CCSER1: variants seen among roughly 807,000 people sequenced by gnomAD.
CCSER1 encodes the protein coiled-coil serine rich protein 1.
In CCSER1, 41 loss-of-function variants were observed where a neutral mutation model predicts 82.0. That is an observed-to-expected ratio of 0.50 (90% CI 0.39 to 0.65). The LOEUF (loss-of-function observed/expected upper bound fraction) is 0.65. CCSER1 is among the 30% of genes least tolerant of loss of function. The pLI is 0.00. For synonymous variants in CCSER1, 414 were observed against 383.9 expected (o/e 1.08, Z -0.92); for missense variants, 1,119 against 1,064.2 (o/e 1.05, Z -0.72).
rs533700831 is a variant in CCSER1 at position 91,274,901 on chromosome 4, C to T, written c.2217+188907C>T. ...CGGGCGGATCACGAGGTCAGGAGATCGAGACCATCCTGGCTAACACAGTGA... is the reference window on the plus strand; with the variant it reads ...CGGGCGGATCACGAGGTCAGGAGATTGAGACCATCCTGGCTAACACAGTGA... On this transcript the variant is annotated intron_variant, in intron 10 of 10. Transcript: ENST00000509176. Among the ~76,000 whole-genome samples the T allele has an allele frequency of 4.3e-4, 66 of 151,932 alleles. No homozygotes were observed. The South Asian group carries it at 0.013, about 30-fold the overall frequency.
intron 10 of CCSER1, among the ~76,000 whole-genome samples, chr4:91,571,012 A>T (rs958609026): frequency 1.3e-5 from 2 of 152,172 alleles, no homozygotes; most frequent in Admixed American, 1.3e-4. Context: ...TCTCTAGGGC[A>T]GGGGCAAAAT....
At chr4:90,413,928 G>A (rs908394133) in intron 4 of CCSER1, among the ~76,000 whole-genome samples, 2 of 108,996 alleles carry the variant, frequency 1.8e-5, no homozygotes, top group Non-Finnish European at 3.4e-5. Flanking sequence ...CAGCCTGGGT[G>A]ACAGAGCGAG....
At chr4:91,184,738 T>C (rs1333039661) in intron 10 of CCSER1, among the ~76,000 whole-genome samples, 4 of 152,212 alleles carry the variant, frequency 2.6e-5, no homozygotes, top group Non-Finnish European at 5.9e-5. Flanking sequence ...TGGCAGGAAC[T>C]TTGTTTTTCC....
At chr4:90,933,479 G>A (rs1057455349) in intron 9 of CCSER1, among the ~76,000 whole-genome samples, 1 of 151,570 alleles carries the variant, frequency 6.6e-6, no homozygotes, top group Non-Finnish European at 1.5e-5. Context: ...GAGCCACCGT[G>A]CCAGGATGAA....
intron 10 of CCSER1, among the ~76,000 whole-genome samples, chr4:91,465,046 A>T (rs1437907931): frequency 2.6e-5 from 4 of 152,198 alleles, no homozygotes; most frequent in Non-Finnish European, 5.9e-5. Context: ...AATCAACAGA[A>T]TATACATTTT....
At chr4:90,589,255 TTACTC>T (rs1782406631) in intron 5 of CCSER1, among the ~76,000 whole-genome samples, 1 of 152,114 alleles carries the variant, frequency 6.6e-6, no homozygotes, top group African/African-American at 2.4e-5. Flanking sequence ...AATGGTTTCT[TTACTC>T]TATTTTCTAT....
chr4:91,545,265 C>T (rs535916963), intron 10 of CCSER1, among the ~76,000 whole-genome samples: 2 of 152,198 alleles, frequency 1.3e-5, no homozygotes, highest in Admixed American at 6.5e-5. Flanking sequence ...TCCCTGACCC[C>T]TTGCACTTCC....
At chr4:90,894,592 C>T (rs1170352701) in intron 8 of CCSER1, among the ~76,000 whole-genome samples, 2 of 151,956 alleles carry the variant, frequency 1.3e-5, no homozygotes, top group East Asian at 3.9e-4. Context: ...TCTGCCTCCC[C>T]TTTTTTGTCT....
At chr4:91,296,401 C>T (rs1744164084) in intron 10 of CCSER1, among the ~76,000 whole-genome samples, 1 of 143,594 alleles carries the variant, frequency 7.0e-6, no homozygotes. Context: ...TGTATAAAAG[C>T]ATAGTAAAGT....
In CCSER1 at chr4:91,603,581, G is replaced by A. The variant is rs187120580; in HGVS notation, c.*4524G>A. 1.3e-5 allele frequency: 2 copies of A among 152,170 alleles called. No homozygotes were observed. Among genetic ancestry groups the A allele is most frequent in the Admixed American group, 6.6e-5 (1 of 15,264 alleles). The allele number at this position is 152,170 out of a possible 1,614,324, so 9.4% of individuals were successfully genotyped here. A position where few individuals can be genotyped will look rare whatever the true frequency, so the allele number is the denominator to read the frequency against. Reference sequence around the variant, plus strand: ...ATGGGATACCACGGTTCTTTTTAGAGCATTTTCAGTGTAGCCTCATTAACT... The same window carrying A: ...ATGGGATACCACGGTTCTTTTTAGAACATTTTCAGTGTAGCCTCATTAACT... On this transcript the variant is annotated 3_prime_UTR_variant, in exon 11 of 11. Coordinates refer to ENST00000509176, the MANE Select transcript of CCSER1 (RefSeq NM_001145065.2).
intron 1 of CCSER1, among the ~76,000 whole-genome samples, chr4:90,247,357 T>C (rs1030239210): frequency 1.1e-4 from 17 of 152,044 alleles, no homozygotes; most frequent in Admixed American, 1.1e-3. Flanking sequence ...TGTTGATACA[T>C]CCTGGTTGCT....
In CCSER1 at chr4:90,622,797, GGGTC is replaced by G. The variant is rs1722571292; in HGVS notation, c.1725-5227_1725-5224del. ...GTATATACCCAGTAATGGGATGGCT[GGGTC>G]AAATGGTATTTCTAGTTCTAGATCC... On this transcript the variant is annotated intron_variant, in intron 5 of 10. Transcript: ENST00000509176. Among the ~76,000 whole-genome samples, 3 of 151,978 alleles carry G rather than the reference GGGTC, an allele frequency of 2.0e-5. No homozygotes were observed. In the South Asian group the frequency reaches 6.2e-4, roughly 32 times the overall value.
chr4:90,348,241 C>A (rs752736065), intron 3 of CCSER1, among the ~76,000 whole-genome samples: 1 of 151,878 alleles, frequency 6.6e-6, no homozygotes, highest in African/African-American at 2.4e-5. Context: ...ATGTAACCAA[C>A]CTGAACTTGT....
At chr4:91,099,128 T>C (rs1489553251) in intron 10 of CCSER1, among the ~76,000 whole-genome samples, 1 of 152,204 alleles carries the variant, frequency 6.6e-6, no homozygotes, top group Non-Finnish European at 1.5e-5. Flanking sequence ...TACTTGTATG[T>C]TTTCTTTATG....
chr4:91,017,800 T>C (rs1218044689), intron 9 of CCSER1, among the ~76,000 whole-genome samples: 1 of 142,998 alleles, frequency 7.0e-6, no homozygotes, highest in Non-Finnish European at 1.5e-5. Context: ...ATTAACATTA[T>C]GGTTTTTAAA....
intron 9 of CCSER1, among the ~76,000 whole-genome samples, chr4:90,944,814 C>G (rs542382511): frequency 7.4e-4 from 112 of 152,262 alleles, no homozygotes; most frequent in Admixed American, 9.2e-4. Flanking sequence ...TAGAAGTTAC[C>G]TGTTTTCTTT....
At chr4:91,009,306 G>T (rs894687710) in intron 9 of CCSER1, among the ~76,000 whole-genome samples, 3 of 152,292 alleles carry the variant, frequency 2.0e-5, no homozygotes, top group African/African-American at 7.2e-5. Context: ...TTTATATCCC[G>T]ATCATTGTCC....
chr4:91,104,593 A>G (rs1725421246), intron 10 of CCSER1, among the ~76,000 whole-genome samples: 1 of 152,236 alleles, frequency 6.6e-6, no homozygotes, highest in Non-Finnish European at 1.5e-5. Flanking sequence ...TTTAAGTAGA[A>G]TTGCTACTAT....
chr4:91,077,705 C>T (rs935194045), intron 9 of CCSER1, among the ~76,000 whole-genome samples: 1 of 152,174 alleles, frequency 6.6e-6, no homozygotes, highest in Non-Finnish European at 1.5e-5. Flanking sequence ...TAAAGGGAAG[C>T]CCTGACAGAG....
Sources: allele counts gnomAD v4.1 joint callset (sites outside exome capture counted in the v4.1 genomes callset), GRCh38; gene constraint gnomAD v4.1.1; transcripts MANE v1.5; gene names NCBI Gene and HGNC (gene_info 2026-07-23, HGNC 2026-07-21).